Variants in FAM53C observed in about 807,000 individuals in gnomAD.
FAM53C encodes the protein family with sequence similarity 53 member C.
Under a neutral mutation model 34.7 loss-of-function variants are expected in FAM53C, and 10 were observed. That is an observed-to-expected ratio of 0.29 (90% confidence interval 0.18 to 0.49). The LOEUF is 0.49. Ranked by LOEUF, FAM53C falls within the 20% of genes least tolerant of loss-of-function variation. FAM53C has a pLI of 0.99. For synonymous variants in FAM53C, 203 were observed against 203.6 expected, an observed-to-expected ratio of 1.00 and a Z score of 0.03; for missense variants, 442 against 515.3, an observed-to-expected ratio of 0.86 and a Z score of 1.38.
rs549688028 is a variant in FAM53C at position 138,347,852 on chromosome 5, GCT to G, written c.*907_*908del. 4 of 73,738 alleles carry G rather than the reference GCT, an allele frequency of 5.4e-5. No individual in the cohort carries two copies. Among genetic ancestry groups the G allele is most frequent in the Non-Finnish European group, 9.8e-5 (3 of 30,594 alleles). The allele number at this position is 73,738 out of a possible 1,614,324, so 4.6% of individuals were successfully genotyped here. ...TGGGCAACTGAAGCAGGGTTGAGGGGCTCTCTCTCTCTCTCCTCTGCTGATGG... is the reference window on the plus strand; with the variant it reads ...TGGGCAACTGAAGCAGGGTTGAGGGGCTCTCTCTCTCTCCTCTGCTGATGG... On this transcript the variant is annotated 3_prime_UTR_variant, in exon 5 of 5. Transcript: ENST00000239906.
chr5:138,345,889 G>A lies in FAM53C; in HGVS notation c.921+280G>A, dbSNP rs1761160071. Among the ~76,000 whole-genome samples, 1 of 152,168 alleles carries A rather than the reference G, an allele frequency of 6.6e-6. No homozygotes were observed. Among genetic ancestry groups the A allele is most frequent in the African/African-American group, 2.4e-5 (1 of 41,444 alleles). ...TCCAACAGAGATCCCAAATTGTCCT[G>A]CAAGAGGTACTTTCCCTCCTTTCCA... On this transcript the variant is annotated intron_variant, in intron 4 of 4. Transcript: ENST00000239906. This position sits in a 1 kb window ranked among gnomAD's most constrained non-coding sequence, Gnocchi z 6.3.
rs1052648 is a variant in FAM53C at position 138,349,043 on chromosome 5, G to A, written c.*2084G>A. The A allele has an allele frequency of 0.21, 32,433 of 152,134 alleles. 3,856 individuals are homozygous for A. Among genetic ancestry groups the A allele is most frequent in the East Asian group, 0.56 (2,902 of 5,164 alleles). The allele number at this position is 152,134 out of a possible 1,614,324, so 9.4% of individuals were successfully genotyped here. On this transcript the variant is annotated 3_prime_UTR_variant, in exon 5 of 5. Transcript: ENST00000239906. ...CCAAAGCCCCAGGGCACCATCCTTAGGGGAGAAGGTCTACAGTTATCATTA... is the reference window on the plus strand; with the variant it reads ...CCAAAGCCCCAGGGCACCATCCTTAAGGGAGAAGGTCTACAGTTATCATTA...
intron 3 of FAM53C, 79 bp from the exon 4 acceptor site, chr5:138,344,746 A>C: frequency 7.5e-7 from 1 of 1,326,432 alleles, no homozygotes; most frequent in Non-Finnish European, 1.0e-6. Flanking sequence ...AAAATGCTCC[A>C]TACATTATGT....
In FAM53C at chr5:138,345,384, C is replaced by T; in HGVS notation, c.696C>T (p.Ser232=). The T allele has an allele frequency of 6.2e-7, 1 of 1,614,152 alleles. No individual in the cohort carries two copies. Among genetic ancestry groups the T allele is most frequent in the Non-Finnish European group, 8.5e-7 (1 of 1,180,040 alleles). ...LSPCPPQRRF[S]LSPSLGPQAS... ...CTTGCCCACCTCAGCGCCGCTTCTCCCTGTCACCCAGTCTGGGCCCGCAGG... is the reference window on the plus strand; with the variant it reads ...CTTGCCCACCTCAGCGCCGCTTCTCTCTGTCACCCAGTCTGGGCCCGCAGG... Residue 232 remains serine, a synonymous_variant, in exon 4 of 5, where the codon TCC becomes TCT. Transcript: ENST00000239906. This position sits in a 1 kb window ranked among gnomAD's most constrained non-coding sequence, Gnocchi z 6.3.
At chr5:138,338,179 A>G (rs761134580), upstream of FAM53C, 34 of 1,289,126 alleles carry the variant, frequency 2.6e-5, no homozygotes, top group South Asian at 3.6e-4. Flanking sequence ...GGATTCTGCG[A>G]GCCGGAGCTG....
chr5:138,341,526 T>C (rs962353481), intron 2 of FAM53C, 113 bp downstream of exon 2: 9 of 1,059,114 alleles, frequency 8.5e-6, no homozygotes, highest in African/African-American at 3.1e-5. Context: ...GTACTTAACC[T>C]GGAAGAGCCC....
chr5:138,343,904 C>A (rs1415702141), intron 3 of FAM53C, among the ~76,000 whole-genome samples: 1 of 152,198 alleles, frequency 6.6e-6, no homozygotes, highest in South Asian at 2.1e-4. Context: ...AGACCAAATA[C>A]ACTCAGTATG....
At position 138,345,032 on chromosome 5, in the gene FAM53C, A is replaced by G; in HGVS notation, c.344A>G (p.Lys115Arg). 6.2e-7 allele frequency: 1 copy of G among 1,613,616 alleles called. No individual in the cohort carries two copies. Among genetic ancestry groups the G allele is most frequent in the East Asian group, 2.2e-5 (1 of 44,836 alleles). ...CCTGTGCCCCCTGCCCCTCCATCCAAGAGGCACTGCCGCTCACTCTCAGTG... is the reference window on the plus strand; with the variant it reads ...CCTGTGCCCCCTGCCCCTCCATCCAGGAGGCACTGCCGCTCACTCTCAGTG... ...KLPVPPAPPS[K>R]RHCRSLSVPV... Residue 115 changes from lysine (K) to arginine (R), a missense_variant, in exon 4 of 5, where the codon AAG (lysine) becomes AGG (arginine). Coordinates refer to ENST00000239906, the MANE Select transcript of FAM53C (RefSeq NM_016605.3). This position sits in a 1 kb window ranked among gnomAD's most constrained non-coding sequence, Gnocchi z 6.3.
upstream of FAM53C, chr5:138,338,007 G>A: frequency 7.8e-7 from 1 of 1,289,638 alleles, no homozygotes; most frequent in Non-Finnish European, 1.0e-6. Context: ...CTCCAACTGG[G>A]GCCGTCCACT....
intron 4 of FAM53C, among the ~76,000 whole-genome samples, chr5:138,346,357 G>A (rs558210383): frequency 5.3e-4 from 81 of 152,358 alleles, no homozygotes; most frequent in Non-Finnish European, 9.6e-4. Context: ...CAGGCATGGT[G>A]GCTAACGCCT....
At chr5:138,338,346 C>T (rs765422000) in intron 1 of FAM53C, 39 bp downstream of exon 1, 5 of 440,410 alleles carry the variant, frequency 1.1e-5, no homozygotes, top group African/African-American at 2.1e-5. Flanking sequence ...GGCCTCGGGG[C>T]GGGCACCTCA....
At chr5:138,339,019 T>C (rs1007081933) in intron 1 of FAM53C, among the ~76,000 whole-genome samples, 9 of 152,138 alleles carry the variant, frequency 5.9e-5, no homozygotes, top group African/African-American at 2.2e-4. Flanking sequence ...ATCTTTATTT[T>C]TGGGGGCTGC....
rs1761182165 is a variant in FAM53C, at chr5:138,346,576, A to G, written c.922-126A>G. On this transcript the variant is annotated intron_variant, in intron 4 of 4. Coordinates refer to ENST00000239906, the MANE Select transcript of FAM53C (RefSeq NM_016605.3). ...GAGGCAGAGCTTGCAGTGAGCCAAGATCACGCCACTGCACTCCAGCCAGGG... is the reference window on the plus strand; with the variant it reads ...GAGGCAGAGCTTGCAGTGAGCCAAGGTCACGCCACTGCACTCCAGCCAGGG... 2.5e-6 allele frequency: 3 copies of G among 1,211,422 alleles called. No homozygotes were observed. The South Asian group carries it at 4.5e-5, about 18-fold the overall frequency. The allele number at this position is 1,211,422 out of a possible 1,614,324, so 75.0% of individuals were successfully genotyped here. A position where few individuals can be genotyped will look rare whatever the true frequency, so the allele number is the denominator to read the frequency against.
upstream of FAM53C, chr5:138,338,075 A>T: frequency 7.8e-7 from 1 of 1,289,706 alleles, no homozygotes; most frequent in Non-Finnish European, 1.0e-6. Context: ...CCATCCCTAA[A>T]TCAAAGCGCC....
At chr5:138,339,875 T>C (rs1387002321) in intron 1 of FAM53C, among the ~76,000 whole-genome samples, 5 of 152,204 alleles carry the variant, frequency 3.3e-5, no homozygotes, top group Non-Finnish European at 7.3e-5. Flanking sequence ...TGTGCCCTCC[T>C]TCTAAGGTGT....
intron 1 of FAM53C, among the ~76,000 whole-genome samples, chr5:138,339,562 A>G (rs1760964233): frequency 6.6e-6 from 1 of 152,180 alleles, no homozygotes; most frequent in South Asian, 2.1e-4. Context: ...CCTGCTCCTC[A>G]TAGCTGGTTA....
At chr5:138,338,759 T>A (rs2126881976) in intron 1 of FAM53C, among the ~76,000 whole-genome samples, 1 of 152,026 alleles carries the variant, frequency 6.6e-6, no homozygotes, top group Middle Eastern at 3.4e-3. Context: ...ACCAGAACCA[T>A]ATGGAAGAAG....
rs568177872 is a variant in FAM53C, at chr5:138,338,295, T to C, written c.-165T>C. 1.7e-4 allele frequency: 112 copies of C among 678,468 alleles called. No individual in the cohort carries two copies. The highest frequency in any genetic ancestry group is 1.4e-3 in the South Asian group (95 of 68,626). The allele number at this position is 678,468 out of a possible 1,614,324, so 42.0% of individuals were successfully genotyped here. ...CTGCTCCGGCCGCGGCCCTGGGAGC[T>C]GGAGGAACCGCGGTAGGTGGTGGAG... On this transcript the variant is annotated 5_prime_UTR_variant, in exon 1 of 5. Coordinates refer to ENST00000239906, the MANE Select transcript of FAM53C (RefSeq NM_016605.3).
At chr5:138,346,605 C>T (rs1360446379) in intron 4 of FAM53C, 97 bp from the exon 5 acceptor site, 9 of 1,475,744 alleles carry the variant, frequency 6.1e-6, no homozygotes, top group East Asian at 2.3e-5. Flanking sequence ...GCCAGGGTGA[C>T]AGAGTGAGAC....
Sources: gnomAD v4.1 joint callset for allele counts (sites outside exome capture counted in the v4.1 genomes callset) on GRCh38, gnomAD v4.1.1 for gene constraint, Gnocchi (gnomAD v3.1) non-coding constraint, MANE v1.5 for transcripts, NCBI Gene and HGNC (gene_info 2026-07-23, HGNC 2026-07-21) for gene names.